GALNT9: variants seen among roughly 807,000 people sequenced by gnomAD.
The protein encoded by GALNT9 is GalNAc transferase 9.
GALNT9 carries 47 observed loss-of-function variants against 63.1 expected under a neutral mutation model. That is an observed-to-expected ratio of 0.75 (90% CI 0.59 to 0.95). GALNT9 has a LOEUF of 0.95. Among genes scored for constraint, GALNT9 ranks in the 40% least tolerant of loss-of-function variants. The pLI is 0.00. For synonymous variants in GALNT9, 396 were observed against 365.7 expected, an observed-to-expected ratio of 1.08 and a Z score of -0.94; for missense variants, 829 against 874.8, an observed-to-expected ratio of 0.95 and a Z score of 0.66.
At chr12:132,300,283 CCACCCCTGAGATGACCAAGCCA>C (rs1881243945) in intron 1 of GALNT9, among the ~76,000 whole-genome samples, 3 of 145,090 alleles carry the variant, frequency 2.1e-5, no homozygotes, top group Non-Finnish European at 1.5e-5. Context: ...CACACCTAAC[CCACCCCTGAGATGACCAAGCCA>C]CTCCTGAGAT....
At chr12:132,206,504 G>A (rs965101346) in intron 6 of GALNT9, among the ~76,000 whole-genome samples, 3 of 152,136 alleles carry the variant, frequency 2.0e-5, no homozygotes, top group Non-Finnish European at 1.5e-5. Flanking sequence ...AAAATTAGCT[G>A]GGCATGGTGG....
At position 132,327,467 on chromosome 12, in the gene GALNT9, C is replaced by A. The variant is rs1393462340; in HGVS notation, c.238+1499G>T. On this transcript the variant is annotated intron_variant, in intron 1 of 10. Coordinates refer to ENST00000328957, the MANE Select transcript of GALNT9 (RefSeq NM_001122636.2). This position sits in a 1 kb window ranked among gnomAD's most constrained non-coding sequence, Gnocchi z 4.3. ...GAGCTGCCCTCGTGGTGTTACACAACCTCAGTGTGCTGCCAATGTTTTTAT... is the reference window on the plus strand; with the variant it reads ...GAGCTGCCCTCGTGGTGTTACACAAACTCAGTGTGCTGCCAATGTTTTTAT... Among the ~76,000 whole-genome samples the A allele has an allele frequency of 1.3e-5, 2 of 152,022 alleles. No homozygotes were observed. The highest frequency in any genetic ancestry group is 2.9e-5 in the Non-Finnish European group (2 of 68,000).
At position 132,248,165 on chromosome 12, in the gene GALNT9, T is replaced by C. The variant is rs913218877; in HGVS notation, c.960-138A>G. 3.0e-6 allele frequency: 4 copies of C among 1,330,300 alleles called. 1 individual carries two copies. Among genetic ancestry groups the C allele is most frequent in the Non-Finnish European group, 4.0e-6 (4 of 1,000,880 alleles). The allele number at this position is 1,330,300 out of a possible 1,614,324, so 82.4% of individuals were successfully genotyped here. A position where few individuals can be genotyped will look rare whatever the true frequency, so the allele number is the denominator to read the frequency against. On this transcript the variant is annotated intron_variant, in intron 5 of 10. Coordinates refer to ENST00000328957, the MANE Select transcript of GALNT9 (RefSeq NM_001122636.2). ...TCCTCCCTGTGCACTCAGGTCCCTG[T>C]GCTCAAGGTGAGGGGCCGCTGCTCC...
Position 132,329,440 on chromosome 12 carries a change from C to A in GALNT9, c.-237G>T, listed in dbSNP as rs1273955557. On this transcript the variant is annotated 5_prime_UTR_variant, in exon 1 of 11. Transcript: ENST00000328957. ...GTCGCGGGGCGCGGCCGGCATCCCCCGCTCAGAGGGCGCGGCCCCGCCCCG... is the reference window on the plus strand; with the variant it reads ...GTCGCGGGGCGCGGCCGGCATCCCCAGCTCAGAGGGCGCGGCCCCGCCCCG... 1 of 321,880 alleles carries A rather than the reference C, an allele frequency of 3.1e-6. No individual in the cohort carries two copies. Among genetic ancestry groups the A allele is most frequent in the Non-Finnish European group, 5.0e-6 (1 of 201,920 alleles). 19.9% of individuals were successfully genotyped at this position (321,880 alleles called of 1,614,324 possible).
chr12:132,228,387 T>C (rs1279695158), intron 6 of GALNT9, among the ~76,000 whole-genome samples: 1 of 140,744 alleles, frequency 7.1e-6, no homozygotes, highest in Non-Finnish European at 1.6e-5. Flanking sequence ...GATACCTCTT[T>C]GCCTCTGGCG....
chr12:132,288,665 G>A (rs1880694695), intron 1 of GALNT9, among the ~76,000 whole-genome samples: 1 of 151,706 alleles, frequency 6.6e-6, no homozygotes, highest in African/African-American at 2.4e-5. Flanking sequence ...GTTCCGGACG[G>A]CTGCCCGATG....
chr12:132,235,522 C>G (rs1011533403), intron 6 of GALNT9, among the ~76,000 whole-genome samples: 1 of 152,032 alleles, frequency 6.6e-6, no homozygotes, highest in Non-Finnish European at 1.5e-5. Flanking sequence ...GAAAGGTACC[C>G]GACCTCTTTC....
intron 1 of GALNT9, among the ~76,000 whole-genome samples, chr12:132,311,428 A>C (rs1268721848): frequency 6.6e-6 from 1 of 152,190 alleles, no homozygotes; most frequent in East Asian, 1.9e-4. Context: ...CAGGGGTAGC[A>C]CAGGCAGCCC....
intron 6 of GALNT9, among the ~76,000 whole-genome samples, chr12:132,205,156 G>A (rs1424717581): frequency 6.6e-6 from 1 of 151,896 alleles, no homozygotes; most frequent in Non-Finnish European, 1.5e-5. Context: ...AATCATGTCT[G>A]CAAAGATCCC....
At chr12:132,224,762 CACTGT>C (rs2135522419) in intron 6 of GALNT9, among the ~76,000 whole-genome samples, 1 of 145,636 alleles carries the variant, frequency 6.9e-6, no homozygotes, top group East Asian at 2.1e-4. Context: ...CCACACCCCA[CACTGT>C]ACACACCCCA....
At chr12:132,306,522 C>T (rs1323068426) in intron 1 of GALNT9, among the ~76,000 whole-genome samples, 2 of 152,166 alleles carry the variant, frequency 1.3e-5, no homozygotes, top group East Asian at 3.9e-4. Context: ...GTTCTTAAGG[C>T]GAAGTCAGTT....
chr12:132,291,786 CT>C (rs1464185164), intron 1 of GALNT9, among the ~76,000 whole-genome samples: 5 of 152,256 alleles, frequency 3.3e-5, no homozygotes, highest in African/African-American at 1.2e-4. Flanking sequence ...TTCCTCCCCC[CT>C]GCTTCCCCAT....
At chr12:132,210,799 G>A (rs1876922304) in intron 6 of GALNT9, among the ~76,000 whole-genome samples, 1 of 151,958 alleles carries the variant, frequency 6.6e-6, no homozygotes, top group African/African-American at 2.4e-5. Flanking sequence ...TCGCCGTCTG[G>A]CGGTTGCCAT....
intron 6 of GALNT9, among the ~76,000 whole-genome samples, chr12:132,206,907 AAAAC>A (rs1876731658): frequency 2.6e-5 from 4 of 152,174 alleles, no homozygotes; most frequent in South Asian, 4.1e-4. Flanking sequence ...TCCACAGAAA[AAAAC>A]AAAATTAGCC....
chr12:132,281,626 G>A (rs527840872), intron 2 of GALNT9, among the ~76,000 whole-genome samples: 11 of 152,338 alleles, frequency 7.2e-5, no homozygotes, highest in Non-Finnish European at 1.0e-4. Context: ...TCCCGATGTC[G>A]TTCTCTGTGA....
In GALNT9 at chr12:132,282,446, T is replaced by C. The variant is rs1247379485; in HGVS notation, c.419+3804A>G. Among the ~76,000 whole-genome samples, 6 of 152,200 alleles carry C rather than the reference T, an allele frequency of 3.9e-5. No homozygotes were observed. Among genetic ancestry groups the C allele is most frequent in the African/African-American group, 1.2e-4 (5 of 41,460 alleles). On this transcript the variant is annotated intron_variant, in intron 2 of 10. Transcript: ENST00000328957. This position sits in a 1 kb window ranked among gnomAD's most constrained non-coding sequence, Gnocchi z 4.5. ...GCGTGTGTGCGTGCATGCGTGTGTG[T>C]GCGTGTGCATGTGTGTGTGCACGCA...
At chr12:132,297,534 A>C (rs1247618543) in intron 1 of GALNT9, among the ~76,000 whole-genome samples, 1 of 151,638 alleles carries the variant, frequency 6.6e-6, no homozygotes, top group Non-Finnish European at 1.5e-5. Context: ...CACAATAACC[A>C]ATCACTCCCG....
At chr12:132,223,093 CACACCCT>C (rs1460816359) in intron 6 of GALNT9, among the ~76,000 whole-genome samples, 1 of 129,092 alleles carries the variant, frequency 7.7e-6, no homozygotes, top group African/African-American at 3.0e-5. Context: ...ACACACACCC[CACACCCT>C]ACACAACTCG....
At chr12:132,270,716 C>T (rs1042641844) in intron 2 of GALNT9, among the ~76,000 whole-genome samples, 1 of 152,190 alleles carries the variant, frequency 6.6e-6, no homozygotes, top group Non-Finnish European at 1.5e-5. Context: ...ACGGACACGG[C>T]CACGGCCACA....
Sources: gnomAD v4.1 joint callset for allele counts (sites outside exome capture counted in the v4.1 genomes callset) on GRCh38, gnomAD v4.1.1 for gene constraint, Gnocchi (gnomAD v3.1) non-coding constraint, MANE v1.5 for transcripts, NCBI Gene and HGNC (gene_info 2026-07-23, HGNC 2026-07-21) for gene names.